The following NRXN3 variants were observed in gnomAD, a reference collection of about 807,000 sequenced individuals.
The protein encoded by NRXN3 is neurexin III.
In NRXN3, 32 loss-of-function variants were observed where a neutral mutation model predicts 137.6. That is an observed-to-expected ratio of 0.23 (90% CI 0.18 to 0.31). The LOEUF is 0.31. NRXN3 is among the 10% of genes least tolerant of loss of function. The pLI is 1.00. For missense variants in NRXN3, 1,574 were observed against 2,062.5 expected, an observed-to-expected ratio of 0.76 and a Z score of 4.59; for synonymous variants, 798 against 784.5, an observed-to-expected ratio of 1.02 and a Z score of -0.29.
At position 78,291,081 on chromosome 14, in the gene NRXN3, A is replaced by C. The variant is rs190407589; in HGVS notation, c.728-6750A>C. Reference sequence around the variant, plus strand: ...TGAGCCAGGGTCATAAATGAAGCTGATGTCTAGGCATGATTTTCTGCTTCT... The same window carrying C: ...TGAGCCAGGGTCATAAATGAAGCTGCTGTCTAGGCATGATTTTCTGCTTCT... On this transcript the variant is annotated intron_variant, in intron 3 of 20. Transcript: ENST00000335750. Among the ~76,000 whole-genome samples, 29 of 152,284 alleles carry C rather than the reference A, an allele frequency of 1.9e-4. 1 individual carries two copies. The East Asian group carries it at 4.8e-3, about 25-fold the overall frequency.
At chr14:79,853,562 T>C in intron 20 of NRXN3, 2 of 1,351,414 alleles carry the variant, frequency 1.5e-6, no homozygotes, top group South Asian at 1.1e-5. Context: ...TGCAGCTAGA[T>C]CACTCCGTGC....
chr14:79,663,784 G>A lies in NRXN3; in HGVS notation c.3451G>A (p.Gly1151Arg). Reference sequence around the variant, plus strand: ...TTGTGTTTCTTTATTATAGGAACAGGGGAAAATTGGAGTTGTCTTCAACAT... The same window carrying A: ...TTGTGTTTCTTTATTATAGGAACAGAGGAAAATTGGAGTTGTCTTCAACAT... ...GDFLQLHIEQGKIGVVFNIGT... is the reference protein window; with the variant it reads ...GDFLQLHIEQRKIGVVFNIGT... Residue 1151 changes from glycine (G) to arginine (R), a missense_variant, in exon 17 of 21, where the codon GGG becomes AGG. Gly to Arg is a moderately radical substitution (Grantham distance 125). This residue lies in a region of NRXN3 where 133 missense variants were observed against 241.8 expected (regional missense o/e 0.55). Transcript: ENST00000335750. 6.2e-7 allele frequency: 1 copy of A among 1,612,558 alleles called. No homozygotes were observed. Among genetic ancestry groups the A allele is most frequent in the Non-Finnish European group, 8.5e-7 (1 of 1,179,232 alleles).
intron 15 of NRXN3, among the ~76,000 whole-genome samples, chr14:79,359,320 G>A (rs946840156): frequency 3.3e-5 from 5 of 152,174 alleles, no homozygotes; most frequent in African/African-American, 1.2e-4. Flanking sequence ...TTAAGTAACT[G>A]CCTTGCAAGG....
intron 4 of NRXN3, among the ~76,000 whole-genome samples, chr14:78,525,771 G>A (rs922558304): frequency 2.6e-5 from 4 of 152,176 alleles, no homozygotes; most frequent in South Asian, 4.1e-4. Flanking sequence ...AATCAAGATG[G>A]CATTTCTCCT....
chr14:78,703,711 G>C (rs2098314572), intron 6 of NRXN3: 1 of 152,188 alleles, frequency 6.6e-6, no homozygotes, highest in Non-Finnish European at 1.5e-5. Flanking sequence ...TCCAACTTCA[G>C]AAAATGTCCA....
intron 15 of NRXN3, among the ~76,000 whole-genome samples, chr14:79,135,262 T>C (rs2058096595): frequency 6.6e-6 from 1 of 152,216 alleles, no homozygotes; most frequent in Admixed American, 6.5e-5. Context: ...AGATGACTTA[T>C]GGTTTCACCT....
intron 16 of NRXN3, among the ~76,000 whole-genome samples, chr14:79,657,632 C>T (rs894123055): frequency 3.3e-5 from 5 of 152,196 alleles, no homozygotes; most frequent in African/African-American, 1.2e-4. Flanking sequence ...TAATGATCTT[C>T]ACTGAAAGAC....
chr14:79,861,125 C>T lies in NRXN3; in HGVS notation c.4094-217C>T, dbSNP rs193004722. ...TCGTGCACCTTCCATTACACTCCCCCCTACCTTTCGCCCCCTCCTCACCAT... is the reference window on the plus strand; with the variant it reads ...TCGTGCACCTTCCATTACACTCCCCTCTACCTTTCGCCCCCTCCTCACCAT... On this transcript the variant is annotated intron_variant, in intron 20 of 20. Coordinates refer to ENST00000335750, the MANE Select transcript of NRXN3 (RefSeq NM_001330195.2). This position sits in a 1 kb window ranked among gnomAD's most constrained non-coding sequence, Gnocchi z 5.4. 5.4e-6 allele frequency: 8 copies of T among 1,495,052 alleles called. No individual in the cohort carries two copies. In the African/African-American group the frequency reaches 7.0e-5, roughly 13 times the overall value. 92.6% of individuals were successfully genotyped at this position (1,495,052 alleles called of 1,614,324 possible). A position where few individuals can be genotyped will look rare whatever the true frequency, so the allele number is the denominator to read the frequency against.
chr14:78,210,707 T>C (rs2062662164), intron 1 of NRXN3, among the ~76,000 whole-genome samples: 1 of 151,694 alleles, frequency 6.6e-6, no homozygotes, highest in Admixed American at 6.6e-5. Flanking sequence ...GCAACCACGA[T>C]GTAGTTTTTG....
At chr14:78,955,795 T>C (rs1238468461) in intron 10 of NRXN3, among the ~76,000 whole-genome samples, 2 of 152,198 alleles carry the variant, frequency 1.3e-5, no homozygotes, top group African/African-American at 2.4e-5. Context: ...TACTAATTAC[T>C]CAAAATTAAA....
chr14:79,724,261 C>G (rs375787690), intron 19 of NRXN3, among the ~76,000 whole-genome samples: 27 of 152,230 alleles, frequency 1.8e-4, no homozygotes, highest in African/African-American at 6.5e-4. Flanking sequence ...GTCCCTGATG[C>G]AATGAGAATG....
intron 19 of NRXN3, among the ~76,000 whole-genome samples, chr14:79,762,187 A>G (rs1357318688): frequency 6.6e-6 from 1 of 151,642 alleles, no homozygotes; most frequent in African/African-American, 2.4e-5. Flanking sequence ...TGACTTCATA[A>G]AACAGTATTA....
chr14:78,360,048 A>G (rs559861751), intron 4 of NRXN3, among the ~76,000 whole-genome samples: 1 of 152,244 alleles, frequency 6.6e-6, no homozygotes, highest in South Asian at 2.1e-4. Flanking sequence ...GCCCCTCACC[A>G]ACTCCATGTC....
chr14:79,624,778 CTCTT>C (rs1196527534), intron 16 of NRXN3, among the ~76,000 whole-genome samples: 2 of 148,270 alleles, frequency 1.3e-5, no homozygotes, highest in Middle Eastern at 3.5e-3. Flanking sequence ...CTTTCACTCT[CTCTT>C]TCTTTCCCGT....
chr14:79,629,086 C>A (rs1196331398), intron 16 of NRXN3, among the ~76,000 whole-genome samples: 2 of 152,070 alleles, frequency 1.3e-5, no homozygotes, highest in Non-Finnish European at 2.9e-5. Flanking sequence ...CAATAGAAAT[C>A]CAGAGCATTT....
intron 19 of NRXN3, among the ~76,000 whole-genome samples, chr14:79,718,918 TTC>T (rs1320667564): frequency 6.6e-6 from 1 of 152,080 alleles, no homozygotes; most frequent in Non-Finnish European, 1.5e-5. Context: ...CTTAGAAGAC[TTC>T]TCTGTTTTTT....
intron 6 of NRXN3, chr14:78,708,625 G>A (rs2098379763): frequency 6.6e-6 from 1 of 152,318 alleles, no homozygotes; most frequent in South Asian, 2.1e-4. Context: ...TAGTTCCAAA[G>A]AGACTTTATG....
At chr14:78,366,319 T>C (rs1318658321) in intron 4 of NRXN3, among the ~76,000 whole-genome samples, 1 of 152,196 alleles carries the variant, frequency 6.6e-6, no homozygotes, top group Non-Finnish European at 1.5e-5. Context: ...GAGCTTTCTG[T>C]CTCTGTCTCT....
At chr14:79,816,500 A>G (rs1434583061) in intron 20 of NRXN3, among the ~76,000 whole-genome samples, 1 of 152,220 alleles carries the variant, frequency 6.6e-6, no homozygotes, top group African/African-American at 2.4e-5. Context: ...AGTTATGACC[A>G]TGTCTTCATG....
Sources: gnomAD v4.1 joint callset for allele counts (sites outside exome capture counted in the v4.1 genomes callset) on GRCh38, gnomAD v4.1.1 for gene constraint, gnomAD v4.1.1 regional missense constraint, Gnocchi (gnomAD v3.1) non-coding constraint, MANE v1.5 for transcripts, NCBI Gene and HGNC (gene_info 2026-07-23, HGNC 2026-07-21) for gene names.